GPBP1L1: variants seen among roughly 807,000 people sequenced by gnomAD.
GPBP1L1 encodes the protein GC-rich promoter binding protein 1 like 1, also known as vasculin-like protein 1.
A neutral mutation model predicts 52.5 loss-of-function variants in GPBP1L1; 23 were observed. That is an observed-to-expected ratio of 0.44 (90% CI 0.32 to 0.62). GPBP1L1 has a LOEUF of 0.62. Among genes scored for constraint, GPBP1L1 ranks in the 20% least tolerant of loss-of-function variants. The pLI is 0.06. For missense variants in GPBP1L1, 596 were observed against 579.3 expected (o/e 1.03, Z -0.30); for synonymous variants, 243 against 203.1 (o/e 1.20, Z -1.67).
intron 6 of GPBP1L1, chr1:45,651,036 A>G (rs1644812838): frequency 6.3e-6 from 3 of 474,578 alleles, no homozygotes; most frequent in Admixed American, 2.2e-5. Flanking sequence ...ATTTAATCCA[A>G]TTGGTGGCAA....
chr1:45,687,027 CGT>C (rs1004329945), upstream of GPBP1L1: 44 of 152,448 alleles, frequency 2.9e-4, no homozygotes, highest in Middle Eastern at 3.4e-3. Flanking sequence ...TTCGGAGGAA[CGT>C]GTGTTTTCCG....
At chr1:45,674,039 T>C (rs554699027) in intron 2 of GPBP1L1, among the ~76,000 whole-genome samples, 46 of 152,048 alleles carry the variant, frequency 3.0e-4, no homozygotes, top group South Asian at 6.3e-4. Flanking sequence ...GATTGTGCCA[T>C]TGCACTCCAG....
intron 6 of GPBP1L1, among the ~76,000 whole-genome samples, chr1:45,644,888 C>T (rs1039658213): frequency 2.6e-5 from 4 of 152,168 alleles, no homozygotes; most frequent in Non-Finnish European, 5.9e-5. Flanking sequence ...ATAGGAACTT[C>T]CCCTATTTGG....
At chr1:45,633,984 A>G in intron 9 of GPBP1L1, 112 bp downstream of exon 9, 2 of 1,179,720 alleles carry the variant, frequency 1.7e-6, no homozygotes, top group Non-Finnish European at 2.4e-6. Flanking sequence ...AACTATTCTC[A>G]GCTAAATATA....
At chr1:45,677,511 A>G (rs1436207910) in intron 2 of GPBP1L1, among the ~76,000 whole-genome samples, 2 of 152,168 alleles carry the variant, frequency 1.3e-5, no homozygotes, top group Non-Finnish European at 2.9e-5. Flanking sequence ...CACAACAGCA[A>G]AAACAAAGAG....
In GPBP1L1 at chr1:45,640,250, T is replaced by C. The variant is rs200852014; in HGVS notation, c.704A>G (p.Tyr235Cys). The change falls in exon 8 of 13, where the codon TAT becomes TGT. Residue 235 changes from tyrosine (Y) to cysteine (C), a missense_variant. Physicochemically the swap from Tyr to Cys is radical, Grantham distance 194. Coordinates refer to ENST00000355105, the MANE Select transcript of GPBP1L1 (RefSeq NM_021639.5). ...NKLSSVVPSV[Y>C]KNLVPKPVPP... ...TACAGGCTTAGGAACCAGGTTCTTA[T>C]AGACACTTGGAACCACGGATGACAA... 10 of 1,614,082 alleles carry C rather than the reference T, an allele frequency of 6.2e-6. 1 individual carries two copies. Among genetic ancestry groups the C allele is most frequent in the South Asian group, 2.2e-5 (2 of 91,086 alleles).
intron 2 of GPBP1L1, among the ~76,000 whole-genome samples, chr1:45,671,287 G>A (rs1348951008): frequency 2.9e-5 from 4 of 137,824 alleles, no homozygotes; most frequent in East Asian, 4.5e-4. Flanking sequence ...TCAGCTCACT[G>A]CAACCTCTGC....
chr1:45,629,454 T>TTTGCC, intron 12 of GPBP1L1, 122 bp downstream of exon 12: 1 of 115,396 alleles, frequency 8.7e-6, no homozygotes, highest in South Asian at 9.7e-5. Context: ...ACTAAGGTAA[T>TTTGCC]CCCCCCCCCC....
At chr1:45,658,916 T>C (rs1644914428) in intron 4 of GPBP1L1, 112 bp downstream of exon 4, 6 of 763,028 alleles carry the variant, frequency 7.9e-6, no homozygotes, top group Non-Finnish European at 1.4e-5. Flanking sequence ...CACTTCATCC[T>C]GGGTGACAGA....
chr1:45,643,879 A>G (rs1218481236), intron 6 of GPBP1L1, among the ~76,000 whole-genome samples: 6 of 152,034 alleles, frequency 3.9e-5, no homozygotes, highest in Admixed American at 3.9e-4. Flanking sequence ...CATGCTGGCC[A>G]GGCTGGTCTC....
rs182180597 is a variant in GPBP1L1 at position 45,649,904 on chromosome 1, T to C, written c.477+4639A>G. Among the ~76,000 whole-genome samples the C allele has an allele frequency of 2.6e-3, 403 of 152,282 alleles. 6 individuals carry two copies. The highest frequency in any genetic ancestry group is 9.4e-3 in the African/African-American group (390 of 41,562). On this transcript the variant is annotated intron_variant, in intron 6 of 12. Coordinates refer to ENST00000355105, the MANE Select transcript of GPBP1L1 (RefSeq NM_021639.5). ...ATAGATTATTTGGCTGTTCTGGAAT[T>C]TCATATATAGTTTTTCTACAGAGTC...
At chr1:45,666,438 G>A (rs555228482) in intron 2 of GPBP1L1, among the ~76,000 whole-genome samples, 39 of 152,216 alleles carry the variant, frequency 2.6e-4, no homozygotes, top group Non-Finnish European at 5.0e-4. Flanking sequence ...GAGCCACCGC[G>A]CTCGGCCTCA....
chr1:45,633,621 A>C lies in GPBP1L1; in HGVS notation c.912T>G (p.Ile304Met). Reference sequence around the variant, plus strand: ...TGGTCAGACGAGAGGAGCTGATCTCAATTGGAGGGGTGGTGCTGGAGGGAC... The same window carrying C: ...TGGTCAGACGAGAGGAGCTGATCTCCATTGGAGGGGTGGTGCTGGAGGGAC... ...KESPSSTTPP[I>M]EISSSRLTKL... is the part of the protein sequence containing the mutation. Residue 304 changes from isoleucine to methionine, a missense_variant, in exon 10 of 13, where the codon ATT becomes ATG. Coordinates refer to ENST00000355105, the MANE Select transcript of GPBP1L1 (RefSeq NM_021639.5). The C allele has an allele frequency of 6.2e-7, 1 of 1,613,820 alleles. No homozygotes were observed. The highest frequency in any genetic ancestry group is 8.5e-7 in the Non-Finnish European group (1 of 1,179,922).
chr1:45,668,456 C>T (rs945613182), intron 2 of GPBP1L1, among the ~76,000 whole-genome samples: 9 of 152,148 alleles, frequency 5.9e-5, no homozygotes, highest in Non-Finnish European at 1.3e-4. Context: ...GGGTTCAAGG[C>T]CATCCTGGCC....
chr1:45,641,428 C>G (rs1418134882), intron 7 of GPBP1L1, among the ~76,000 whole-genome samples: 1 of 150,914 alleles, frequency 6.6e-6, no homozygotes, highest in Non-Finnish European at 1.5e-5. Flanking sequence ...AAACAAAAAA[C>G]CACAAACATA....
chr1:45,674,689 G>C (rs1645117571), intron 2 of GPBP1L1, among the ~76,000 whole-genome samples: 1 of 152,312 alleles, frequency 6.6e-6, no homozygotes, highest in African/African-American at 2.4e-5. Context: ...CAGTCACAAG[G>C]GTTAGACAAC....
intron 7 of GPBP1L1, 101 bp from the exon 8 acceptor site, chr1:45,640,504 T>C (rs1309858840): frequency 8.8e-6 from 8 of 913,684 alleles, no homozygotes; most frequent in Non-Finnish European, 1.1e-5. Flanking sequence ...CAGCTGACAG[T>C]TGAGACAGAG....
At chr1:45,670,659 GA>G (rs140725625) in intron 2 of GPBP1L1, among the ~76,000 whole-genome samples, 1,610 of 152,046 alleles carry the variant, frequency 0.011, 30 homozygotes, top group African/African-American at 0.037. Context: ...AACTGTCCCA[GA>G]AGTATTCTTT....
chr1:45,660,613 C>G lies in GPBP1L1; in HGVS notation c.-485G>C. On this transcript the variant is annotated 5_prime_UTR_variant, in exon 3 of 13. The change abolishes the stop of an existing upstream ORF in the 5' untranslated region. Transcript: ENST00000355105. ...TCATAGCTAGAAAGACAGATGGGCT[C>G]AAGTGTGGACAAATAATGTCATCAA... 3.2e-6 allele frequency: 3 copies of G among 940,958 alleles called. No homozygotes were observed. Among genetic ancestry groups the G allele is most frequent in the Non-Finnish European group, 3.8e-6 (3 of 789,394 alleles). The allele number at this position is 940,958 out of a possible 1,614,324, so 58.3% of individuals were successfully genotyped here. A position where few individuals can be genotyped will look rare whatever the true frequency, so the allele number is the denominator to read the frequency against.
Sources: allele counts gnomAD v4.1 joint callset (sites outside exome capture counted in the v4.1 genomes callset), GRCh38; gene constraint gnomAD v4.1.1; transcripts MANE v1.5; gene names NCBI Gene and HGNC (gene_info 2026-07-23, HGNC 2026-07-21).